DNAJC24: variants seen among roughly 807,000 people sequenced by gnomAD.
DNAJC24 encodes DnaJ heat shock protein family (Hsp40) member C24, also known as dnaJ homolog subfamily C member 24.
DNAJC24 carries 17 observed loss-of-function variants against 18.0 expected under a neutral mutation model. The observed-to-expected ratio is 0.94, with a 90% CI of 0.65 to 1.42. DNAJC24 has a LOEUF of 1.42. Ranked by LOEUF, DNAJC24 falls within the 40% of genes most tolerant of loss-of-function variation. DNAJC24 has a pLI of 0.00. For missense variants in DNAJC24, 158 were observed against 175.6 expected (o/e 0.90, Z 0.57); for synonymous variants, 55 against 57.7 (o/e 0.95, Z 0.21).
chr11:31,376,360 G>A (rs959769379), intron 2 of DNAJC24, among the ~76,000 whole-genome samples: 2 of 152,168 alleles, frequency 1.3e-5, no homozygotes, highest in South Asian at 2.1e-4. Context: ...CTTGGTTGAT[G>A]TATCAGTGGT....
chr11:31,412,882 G>A (rs2133496128), intron 2 of DNAJC24, among the ~76,000 whole-genome samples: 1 of 152,270 alleles, frequency 6.6e-6, no homozygotes, highest in East Asian at 1.9e-4. Flanking sequence ...TTTCAGAAGT[G>A]TGAAGAAGTT....
Position 31,430,847 on chromosome 11 carries a change from A to C in DNAJC24, c.*446A>C, listed in dbSNP as rs1952915526. On this transcript the variant is annotated 3_prime_UTR_variant, in exon 5 of 5. Coordinates refer to ENST00000465995, the MANE Select transcript of DNAJC24 (RefSeq NM_181706.5). ...GAATCTTTGTGAATAATGTGAGGCC[A>C]GTTCTTCCATAAGGAAGGCTGGTTA... 6.6e-6 allele frequency: 1 copy of C among 152,602 alleles called. No homozygotes were observed. Among genetic ancestry groups the C allele is most frequent in the Non-Finnish European group, 1.5e-5 (1 of 68,062 alleles). The allele number at this position is 152,602 out of a possible 1,614,324, so 9.5% of individuals were successfully genotyped here. A position where few individuals can be genotyped will look rare whatever the true frequency, so the allele number is the denominator to read the frequency against.
chr11:31,390,705 TAAAAAAAAAAA>T (rs34050503), intron 2 of DNAJC24, among the ~76,000 whole-genome samples: 14 of 114,094 alleles, frequency 1.2e-4, no homozygotes, highest in Admixed American at 1.8e-4. Flanking sequence ...GATTCCATCT[TAAAAAAAAAAA>T]AAAAAAAAAA....
intron 3 of DNAJC24, among the ~76,000 whole-genome samples, chr11:31,426,075 A>T (rs2598472): frequency 0.65 from 97,772 of 151,484 alleles, 33,381 homozygotes; most frequent in African/African-American, 0.88. Flanking sequence ...GATTTTGACA[A>T]AAAATTTATA....
rs543894935 is a variant in DNAJC24, at chr11:31,387,466, G to A, written c.111+16607G>A. Among the ~76,000 whole-genome samples the A allele has an allele frequency of 3.9e-5, 6 of 152,252 alleles. No homozygotes were observed. In the East Asian group the frequency reaches 9.7e-4, roughly 25 times the overall value. On this transcript the variant is annotated intron_variant, in intron 2 of 4. Coordinates refer to ENST00000465995, the MANE Select transcript of DNAJC24 (RefSeq NM_181706.5). ...GTACAAGAGCCTGGCTAGTAATCCAGGGAATTCTCCCAGATCTTACCCAAG... is the reference window on the plus strand; with the variant it reads ...GTACAAGAGCCTGGCTAGTAATCCAAGGAATTCTCCCAGATCTTACCCAAG...
chr11:31,396,240 T>C (rs576023441), intron 2 of DNAJC24: 1 of 452,392 alleles, frequency 2.2e-6, no homozygotes, highest in East Asian at 7.0e-5. Flanking sequence ...CTTTCCTGAT[T>C]ATCTTCTTGC....
intron 2 of DNAJC24, among the ~76,000 whole-genome samples, chr11:31,388,185 G>A (rs939829834): frequency 1.3e-5 from 2 of 152,060 alleles, no homozygotes; most frequent in Admixed American, 6.6e-5. Context: ...AGAGAGAGGC[G>A]TAGAAAGTTT....
intron 3 of DNAJC24, chr11:31,417,199 A>G (rs1423100100): frequency 6.6e-6 from 1 of 152,136 alleles, no homozygotes; most frequent in East Asian, 1.9e-4. Flanking sequence ...AAATACTGAC[A>G]CTACTTTGTT....
chr11:31,414,850 A>G lies in DNAJC24; in HGVS notation c.151A>G (p.Thr51Ala), dbSNP rs1444209603. The change falls in exon 3 of 5, where the codon ACA (threonine) becomes GCA (alanine). Residue 51 changes from threonine (T) to alanine (A), a missense_variant. By Grantham distance (58) the Thr-to-Ala change is moderately conservative. Coordinates refer to ENST00000465995, the MANE Select transcript of DNAJC24 (RefSeq NM_181706.5). ...DKQSTDVPAG[T>A]VEECVQKFIE... ...ACAAAGTACAGATGTACCAGCAGGAACAGTGGAGGAATGTGTACAGAAGTT... is the reference window on the plus strand; with the variant it reads ...ACAAAGTACAGATGTACCAGCAGGAGCAGTGGAGGAATGTGTACAGAAGTT... 5.0e-6 allele frequency: 8 copies of G among 1,613,854 alleles called. No homozygotes were observed. In the Admixed American group the frequency reaches 5.0e-5, roughly 10 times the overall value.
chr11:31,417,775 A>T (rs957504602), intron 3 of DNAJC24, among the ~76,000 whole-genome samples: 1 of 152,018 alleles, frequency 6.6e-6, no homozygotes, highest in African/African-American at 2.4e-5. Context: ...CTCGTGTTTC[A>T]TAGCTCCATG....
intron 2 of DNAJC24, among the ~76,000 whole-genome samples, chr11:31,404,969 AT>A (rs1463675377): frequency 6.6e-6 from 1 of 151,544 alleles, no homozygotes; most frequent in African/African-American, 2.4e-5. Context: ...TATGACACTT[AT>A]TCCCTTTTTG....
At chr11:31,417,339 A>G (rs1001811922) in intron 3 of DNAJC24, 4 of 152,066 alleles carry the variant, frequency 2.6e-5, no homozygotes, top group African/African-American at 9.7e-5. Context: ...TCATATTGTT[A>G]TTTCTTTTGA....
chr11:31,377,445 C>T (rs1191052034), intron 2 of DNAJC24, among the ~76,000 whole-genome samples: 2 of 152,006 alleles, frequency 1.3e-5, no homozygotes, highest in African/African-American at 2.4e-5. Context: ...TATAGACATA[C>T]ATATTGGCCT....
At chr11:31,370,645 A>T (rs1341806327) in intron 1 of DNAJC24, 71 bp from the exon 2 acceptor site, 1 of 608,512 alleles carries the variant, frequency 1.6e-6, no homozygotes, top group Non-Finnish European at 2.8e-6. Context: ...AAGAATTTAC[A>T]AGGGCAGTAC....
chr11:31,370,356 C>T (rs923047821), intron 1 of DNAJC24, among the ~76,000 whole-genome samples: 7 of 152,090 alleles, frequency 4.6e-5, no homozygotes, highest in Non-Finnish European at 7.3e-5. Context: ...ATTCATTAAG[C>T]TCCTCCAGCG....
intron 1 of DNAJC24, among the ~76,000 whole-genome samples, chr11:31,370,401 T>C (rs546127467): frequency 6.6e-6 from 1 of 152,336 alleles, no homozygotes; most frequent in East Asian, 1.9e-4. Flanking sequence ...GCCAGTTTTA[T>C]CATAAGACTA....
At chr11:31,377,409 A>T (rs541040110) in intron 2 of DNAJC24, among the ~76,000 whole-genome samples, 1 of 152,236 alleles carries the variant, frequency 6.6e-6, no homozygotes, top group Non-Finnish European at 1.5e-5. Context: ...TTTTAAAGAC[A>T]TTCACATACC....
At chr11:31,424,907 T>G (rs906075430) in intron 3 of DNAJC24, among the ~76,000 whole-genome samples, 5 of 152,172 alleles carry the variant, frequency 3.3e-5, no homozygotes, top group African/African-American at 1.2e-4. Context: ...AACAAGAGAC[T>G]AGTGAGACAG....
intron 3 of DNAJC24, among the ~76,000 whole-genome samples, chr11:31,417,674 C>T (rs1952763081): frequency 1.3e-5 from 2 of 151,950 alleles, no homozygotes; most frequent in Admixed American, 1.3e-4. Context: ...GTTTCCTGCC[C>T]ACCATTAACT....
Sources: allele counts gnomAD v4.1 joint callset (sites outside exome capture counted in the v4.1 genomes callset), GRCh38; gene constraint gnomAD v4.1.1; transcripts MANE v1.5; gene names NCBI Gene and HGNC (gene_info 2026-07-23, HGNC 2026-07-21).